AMHR2: variants seen among roughly 807,000 people sequenced by gnomAD.
AMHR2 encodes the protein anti-Muellerian hormone type-2 receptor.
A neutral mutation model predicts 61.4 loss-of-function variants in AMHR2; 36 were observed. The ratio of observed to expected loss-of-function variants is 0.59; its 90% CI spans 0.45 to 0.77. AMHR2 has a LOEUF of 0.77. Among genes scored for constraint, AMHR2 ranks in the 30% least tolerant of loss-of-function variants. AMHR2 has a pLI of 0.00. For missense variants in AMHR2, 638 were observed against 714.6 expected (o/e 0.89, Z 1.22); for synonymous variants, 258 against 279.4 (o/e 0.92, Z 0.76).
chr12:53,428,742 T>C (rs1939831651), intron 6 of AMHR2, among the ~76,000 whole-genome samples, 154 bp from the exon 7 acceptor site: 1 of 152,194 alleles, frequency 6.6e-6, no homozygotes, highest in Non-Finnish European at 1.5e-5. Context: ...ATGCACAGTC[T>C]TACTCCTCTA....
At chr12:53,425,992 C>A in intron 6 of AMHR2, 73 bp downstream of exon 6, 63 of 1,424,132 alleles carry the variant, frequency 4.4e-5, no homozygotes, top group Non-Finnish European at 6.0e-5. Flanking sequence ...TACATGGCAG[C>A]TGGGCCCTGT....
Position 53,425,579 on chromosome 12 carries a change from C to G in AMHR2, c.621+6C>G, listed in dbSNP as rs1168685818. 2 of 1,613,742 alleles carry G rather than the reference C, an allele frequency of 1.2e-6. No homozygotes were observed. Among genetic ancestry groups the G allele is most frequent in the Non-Finnish European group, 1.7e-6 (2 of 1,179,898 alleles). ...CTGAGCTGTGTTTCTCCCAGGTGCC[C>G]CAGGGAGGGAGAGAAGGGCTCCTCT... On this transcript the variant is annotated splice_donor_region_variant and intron_variant, in intron 5 of 10. Transcript: ENST00000257863.
chr12:53,430,924 A>G, intron 10 of AMHR2: 1 of 574,602 alleles, frequency 1.7e-6, no homozygotes. Flanking sequence ...TCCCATTAGC[A>G]TATTAAGCTG....
chr12:53,429,610 A>G lies in AMHR2; in HGVS notation c.1125A>G (p.Pro375=). The change falls in exon 8 of 11, where the codon CCA becomes CCG. Residue 375 remains proline (P), a synonymous_variant. Transcript: ENST00000257863. The part of the protein sequence containing the change: ...PAWTPTQPQG[P]AAIMEAGTQR... ...GGACCCCTACTCAACCACAAGGCCC[A>G]GCTGCCATCATGGAAGTGAGTTCTC... The G allele has an allele frequency of 6.2e-7, 1 of 1,614,086 alleles. No individual in the cohort carries two copies. Among genetic ancestry groups the G allele is most frequent in the Non-Finnish European group, 8.5e-7 (1 of 1,179,980 alleles).
chr12:53,428,911 T>C lies in AMHR2; in HGVS notation c.868T>C (p.Tyr290His). The C allele has an allele frequency of 6.4e-7, 1 of 1,551,652 alleles. No individual in the cohort carries two copies. ...GTTTCCCCAGGGCTCCCTGTGCCAC[T>C]ACTTGACCCAGTACACCAGTGACTG... ...ELHPKGSLCH[Y>H]LTQYTSDWGS... is the part of the protein sequence containing the mutation. The change falls in exon 7 of 11, where the codon TAC becomes CAC. Residue 290 changes from tyrosine (Y) to histidine (H), a missense_variant. By Grantham distance (83) the Tyr-to-His change is moderately conservative. Transcript: ENST00000257863.
Position 53,431,441 on chromosome 12 carries a change from C to G in AMHR2, c.1690C>G (p.Pro564Ala), listed in dbSNP as rs148817046. The change falls in exon 11 of 11, where the codon CCT becomes GCT. Residue 564 changes from proline (P) to alanine (A), a missense_variant. Physicochemically the swap from Pro to Ala is conservative, Grantham distance 27. Transcript: ENST00000257863. The stretch of plus-strand genomic sequence containing the variant: ...TCAGCAAGGCCCTTGTTCCAGGAAT[C>G]CTCAGCCTGCCTGTACCCTTTCTCC... ...SVQQGPCSRN[P>A]QPACTLSPV The G allele has an allele frequency of 8.7e-6, 14 of 1,614,142 alleles. No individual in the cohort carries two copies. The African/African-American group carries it at 1.7e-4, about 20-fold the overall frequency.
In AMHR2 at chr12:53,425,506, C is replaced by T; in HGVS notation, c.554C>T (p.Pro185Leu). Residue 185 changes from proline to leucine, a missense_variant, in exon 5 of 11, where the codon CCA becomes CTA. Coordinates refer to ENST00000257863, the MANE Select transcript of AMHR2 (RefSeq NM_020547.3). ...GTGCGAGGTGAGCCAGTGCCAGAGC[C>T]AAGGCCAGACTCAGGCAGGGACTGG... Reference protein sequence around the residue: ...YRVRGEPVPEPRPDSGRDWSV... With the variant: ...YRVRGEPVPELRPDSGRDWSV... 1.2e-6 allele frequency: 2 copies of T among 1,614,102 alleles called. No individual in the cohort carries two copies. The highest frequency in any genetic ancestry group is 1.7e-6 in the Non-Finnish European group (2 of 1,180,032).
At position 53,423,877 on chromosome 12, in the gene AMHR2, A is replaced by T; in HGVS notation, c.-58A>T. 6.3e-7 allele frequency: 1 copy of T among 1,595,600 alleles called. No homozygotes were observed. Among genetic ancestry groups the T allele is most frequent in the Non-Finnish European group, 8.6e-7 (1 of 1,163,940 alleles). ...CCTGTATCTGAAGAAAGATTTGGCCAGGGGCAGCTGTGCTGGCTTATGCTC... is the reference window on the plus strand; with the variant it reads ...CCTGTATCTGAAGAAAGATTTGGCCTGGGGCAGCTGTGCTGGCTTATGCTC... On this transcript the variant is annotated 5_prime_UTR_variant, in exon 1 of 11. Transcript: ENST00000257863.
intron 8 of AMHR2, 102 bp from the exon 9 acceptor site, chr12:53,429,729 G>A (rs2136969336): frequency 6.3e-7 from 1 of 1,599,132 alleles, no homozygotes; most frequent in Non-Finnish European, 8.5e-7. Context: ...ATAGCATTTG[G>A]GACATTGCTG....
chr12:53,428,750 C>T, intron 6 of AMHR2, 146 bp from the exon 7 acceptor site: 1 of 705,036 alleles, frequency 1.4e-6, no homozygotes, highest in Admixed American at 2.0e-5. Context: ...TCTTACTCCT[C>T]TACCTATTGT....
intron 9 of AMHR2, 81 bp from the exon 10 acceptor site, chr12:53,430,065 C>T: frequency 6.2e-7 from 1 of 1,614,130 alleles, no homozygotes; most frequent in Non-Finnish European, 8.5e-7. Context: ...TGAGAAAGCT[C>T]TGCTCTTCCC....
chr12:53,431,113 C>CT, intron 10 of AMHR2, 64 bp from the exon 11 acceptor site: 8 of 1,588,092 alleles, frequency 5.0e-6, no homozygotes, highest in Non-Finnish European at 6.9e-6. Flanking sequence ...CTGAAGATGG[C>CT]TTTTAACCCT....
At chr12:53,427,734 T>TA (rs1939739883) in intron 6 of AMHR2, among the ~76,000 whole-genome samples, 1 of 152,138 alleles carries the variant, frequency 6.6e-6, no homozygotes, top group African/African-American at 2.4e-5. Flanking sequence ...TTTCCAAACT[T>TA]ACCCTTCACA....
intron 6 of AMHR2, among the ~76,000 whole-genome samples, chr12:53,427,801 T>C (rs1341837371): frequency 6.6e-6 from 1 of 152,234 alleles, no homozygotes; most frequent in Non-Finnish European, 1.5e-5. Flanking sequence ...GGAAAGTCAT[T>C]TGCCCAGAAT....
In AMHR2 at chr12:53,424,898, CAG is replaced by C. The variant is rs1939413694; in HGVS notation, c.423_424del (p.Gly142Ter). On this transcript the variant is annotated frameshift_variant and splice_region_variant, in exon 3 of 11. Coordinates refer to ENST00000257863, the MANE Select transcript of AMHR2 (RefSeq NM_020547.3). LOFTEE classifies it high-confidence loss of function. ...GGCTCCCAGGGTCCCCAGGCTGCCC[CAG>C]GTAGCCACCCAAGGGTACTGAAGCC... 2 of 1,610,634 alleles carry C rather than the reference CAG, an allele frequency of 1.2e-6. No individual in the cohort carries two copies. The highest frequency in any genetic ancestry group is 2.7e-5 in the African/African-American group (2 of 75,034).
chr12:53,431,564 C>A lies in AMHR2; in HGVS notation c.*91C>A. ...TCTGCCTCATCACTGCATTTCCCAC[C>A]TGCCGAATCCTTGGATTCTTCTGCG... On this transcript the variant is annotated 3_prime_UTR_variant, in exon 11 of 11. Coordinates refer to ENST00000257863, the MANE Select transcript of AMHR2 (RefSeq NM_020547.3). 6.5e-7 allele frequency: 1 copy of A among 1,529,898 alleles called. No homozygotes were observed. Among genetic ancestry groups the A allele is most frequent in the Non-Finnish European group, 9.0e-7 (1 of 1,111,616 alleles). 94.8% of individuals were successfully genotyped at this position (1,529,898 alleles called of 1,614,324 possible). A position where few individuals can be genotyped will look rare whatever the true frequency, so the allele number is the denominator to read the frequency against.
At chr12:53,427,972 A>G (rs1038865473) in intron 6 of AMHR2, among the ~76,000 whole-genome samples, 1 of 152,170 alleles carries the variant, frequency 6.6e-6, no homozygotes, top group Admixed American at 6.5e-5. Flanking sequence ...TCAGAGCCCA[A>G]ATGCAGTGGC....
rs780924188 is a variant in AMHR2, at chr12:53,431,330, C to T, written c.1579C>T (p.Pro527Ser). 6 of 1,614,238 alleles carry T rather than the reference C, an allele frequency of 3.7e-6. No individual in the cohort carries two copies. Among genetic ancestry groups the T allele is most frequent in the Non-Finnish European group, 5.1e-6 (6 of 1,180,044 alleles). Reference sequence around the variant, plus strand: ...AGAGAGCTGTCCACGTGGCTGCCCACCTCTCTGCCCAGAAGACTGTACTTC... The same window carrying T: ...AGAGAGCTGTCCACGTGGCTGCCCATCTCTCTGCCCAGAAGACTGTACTTC... The part of the protein sequence containing the change: ...FPESCPRGCP[P>S]LCPEDCTSIP... Residue 527 changes from proline (P) to serine (S), a missense_variant, in exon 11 of 11, where the codon CCT becomes TCT. Transcript: ENST00000257863.
At chr12:53,424,667 G>T in intron 2 of AMHR2, 42 bp from the exon 3 acceptor site, 1 of 1,593,366 alleles carries the variant, frequency 6.3e-7, no homozygotes, top group Non-Finnish European at 8.6e-7. Context: ...TTTCTTCCTT[G>T]CCCCCCCTTT....
Sources: gnomAD v4.1 joint callset for allele counts (sites outside exome capture counted in the v4.1 genomes callset) on GRCh38, gnomAD v4.1.1 for gene constraint, MANE v1.5 for transcripts, NCBI Gene and HGNC (gene_info 2026-07-23, HGNC 2026-07-21) for gene names.